AGTPBP1: variants seen among roughly 807,000 people sequenced by gnomAD.
AGTPBP1 encodes ATP/GTP binding carboxypeptidase 1.
A neutral mutation model predicts 143.9 loss-of-function variants in AGTPBP1; 70 were observed. The ratio of observed to expected loss-of-function variants is 0.49; its 90% CI spans 0.40 to 0.59. The LOEUF is 0.59. AGTPBP1 is among the 20% of genes least tolerant of loss of function. The pLI, the probability that AGTPBP1 is intolerant of heterozygous loss-of-function variation, is 0.00. For missense variants in AGTPBP1, 1,229 were observed against 1,464.5 expected (o/e 0.84, Z 2.62); for synonymous variants, 463 against 500.2 (o/e 0.93, Z 0.99).
At chr9:85,712,457 A>T (rs369358288) in intron 2 of AGTPBP1, 45 bp downstream of exon 2, 63 of 1,063,772 alleles carry the variant, frequency 5.9e-5, no homozygotes, top group Admixed American at 7.9e-5. Context: ...TCTGTCATAC[A>T]TTATTTCTGT....
chr9:85,756,539 A>G, the AGTPBP1 span, among the ~76,000 whole-genome samples: 5 of 106,418 alleles, frequency 4.7e-5, no homozygotes, highest in Non-Finnish European at 1.3e-4. Flanking sequence ...ATGGATGGAT[A>G]GATGGATAGA....
At chr9:85,778,857 G>T in the AGTPBP1 span, among the ~76,000 whole-genome samples, 1 of 152,016 alleles carries the variant, frequency 6.6e-6, no homozygotes, top group Non-Finnish European at 1.5e-5. Context: ...TATGTTCCTT[G>T]GTTCTCCACA....
intron 19 of AGTPBP1, among the ~76,000 whole-genome samples, chr9:85,590,837 T>C (rs865991654): frequency 8.5e-5 from 13 of 152,286 alleles, no homozygotes; most frequent in Middle Eastern, 3.4e-3. Context: ...TAAGATTCAT[T>C]ACAGCTACAA....
chr9:85,669,014 T>TACACACACAC (rs139321417), intron 8 of AGTPBP1, among the ~76,000 whole-genome samples: 11 of 120,514 alleles, frequency 9.1e-5, no homozygotes, highest in African/African-American at 2.4e-4. Flanking sequence ...TGTGTATACA[T>TACACACACAC]ACACACACAC....
chr9:85,735,430 G>A (rs1386693781), intron 1 of AGTPBP1, among the ~76,000 whole-genome samples: 1 of 152,160 alleles, frequency 6.6e-6, no homozygotes, highest in Non-Finnish European at 1.5e-5. Context: ...AATTTGAGAA[G>A]ATAAAAGAAG....
chr9:85,795,859 T>TG, the AGTPBP1 span, among the ~76,000 whole-genome samples: 3 of 136,888 alleles, frequency 2.2e-5, no homozygotes, highest in African/African-American at 9.3e-5. Context: ...CTTCTTAGTT[T>TG]TTTTTTTTTT....
At chr9:85,755,524 C>T in the AGTPBP1 span, among the ~76,000 whole-genome samples, 1 of 152,138 alleles carries the variant, frequency 6.6e-6, no homozygotes, top group Admixed American at 6.5e-5. Flanking sequence ...TCATCTGTGT[C>T]TTCCACTGTG....
At chr9:85,715,452 GCTAA>G (rs1469733171) in intron 1 of AGTPBP1, among the ~76,000 whole-genome samples, 2 of 152,112 alleles carry the variant, frequency 1.3e-5, no homozygotes, top group African/African-American at 2.4e-5. Flanking sequence ...ACAAAACAGG[GCTAA>G]CTAAAACTTT....
In AGTPBP1 at chr9:85,588,357, T is replaced by G. The variant is rs1828745912; in HGVS notation, c.2844A>C (p.Arg948=). Residue 948 remains arginine, a synonymous_variant, in exon 21 of 26, where the codon CGA becomes CGC. Transcript: ENST00000357081. ...GGACAATTTTAAAAATATAAGATTC[T>G]CGTAAGCTCTGAGCAGTGGGGTTAT... ...MSNNPTAQSL[R]ESYIFKIVPM... 1.2e-6 allele frequency: 2 copies of G among 1,611,368 alleles called. No individual in the cohort carries two copies. The highest frequency in any genetic ancestry group is 1.3e-5 in the African/African-American group (1 of 74,744).
chr9:85,730,864 T>C (rs866188737), intron 1 of AGTPBP1, among the ~76,000 whole-genome samples: 1 of 152,212 alleles, frequency 6.6e-6, no homozygotes, highest in African/African-American at 2.4e-5. Context: ...TAATTCCTTA[T>C]ATTATTCTTT....
At chr9:85,574,209 C>T (rs1051735352) in intron 25 of AGTPBP1, among the ~76,000 whole-genome samples, 4 of 152,044 alleles carry the variant, frequency 2.6e-5, no homozygotes, top group African/African-American at 9.7e-5. Flanking sequence ...GCTGTGTCCA[C>T]TCAGGGTTAA....
At chr9:85,739,446 C>T (rs935476452) in intron 1 of AGTPBP1, among the ~76,000 whole-genome samples, 2 of 152,142 alleles carry the variant, frequency 1.3e-5, no homozygotes, top group Non-Finnish European at 2.9e-5. Flanking sequence ...TGGTGGCGGA[C>T]GCCTGTAATC....
intron 1 of AGTPBP1, among the ~76,000 whole-genome samples, chr9:85,731,355 C>T (rs959806682): frequency 1.3e-5 from 2 of 151,996 alleles, no homozygotes; most frequent in African/African-American, 4.8e-5. Flanking sequence ...AAACTGGAAC[C>T]CTCACACATT....
At chr9:85,740,324 G>C (rs1347776875) in intron 1 of AGTPBP1, among the ~76,000 whole-genome samples, 2 of 152,188 alleles carry the variant, frequency 1.3e-5, no homozygotes, top group Non-Finnish European at 2.9e-5. Context: ...CATTAAAAAT[G>C]AACCTGTAAC....
intron 19 of AGTPBP1, among the ~76,000 whole-genome samples, chr9:85,590,166 C>T (rs1166436448): frequency 1.3e-5 from 2 of 151,818 alleles, no homozygotes; most frequent in Admixed American, 6.6e-5. Context: ...AAGATTAATA[C>T]GGGTTTGTTG....
At chr9:85,717,342 A>C (rs1477962616) in intron 1 of AGTPBP1, among the ~76,000 whole-genome samples, 2 of 152,082 alleles carry the variant, frequency 1.3e-5, no homozygotes, top group African/African-American at 4.8e-5. Flanking sequence ...CTTCTCTAAA[A>C]AATAAAAAAA....
the AGTPBP1 span, among the ~76,000 whole-genome samples, chr9:85,766,731 T>C: frequency 8.8e-4 from 134 of 152,248 alleles, 1 homozygote; most frequent in South Asian, 0.021. Context: ...TCTGCTCTTA[T>C]CACGATTTTA....
chr9:85,599,636 T>A (rs56339308), intron 17 of AGTPBP1, among the ~76,000 whole-genome samples: 10,797 of 152,228 alleles, frequency 0.071, 1,278 homozygotes, highest in African/African-American at 0.24. Flanking sequence ...AATACTTCTA[T>A]CTTGAGACCT....
At chr9:85,614,227 C>A (rs1830482794) in intron 17 of AGTPBP1, among the ~76,000 whole-genome samples, 1 of 151,858 alleles carries the variant, frequency 6.6e-6, no homozygotes, top group Non-Finnish European at 1.5e-5. Context: ...GAAAGACACA[C>A]AATATAGCTA....
Sources: allele counts gnomAD v4.1 joint callset (sites outside exome capture counted in the v4.1 genomes callset), GRCh38; gene constraint gnomAD v4.1.1; transcripts MANE v1.5; gene names NCBI Gene and HGNC (gene_info 2026-07-23, HGNC 2026-07-21).